CADM2: variants seen among roughly 807,000 people sequenced by gnomAD.
CADM2 encodes immunoglobulin superfamily member 4D.
CADM2 carries 12 observed loss-of-function variants against 49.8 expected under a neutral mutation model. That is an observed-to-expected ratio of 0.24 (90% CI 0.15 to 0.39). The LOEUF (loss-of-function observed/expected upper bound fraction) is 0.39, where lower values mean the gene tolerates loss of function less well. Ranked by LOEUF, CADM2 falls within the 10% of genes least tolerant of loss-of-function variation. The probability of loss-of-function intolerance (pLI) is 1.00; values close to 1 mark genes in which losing one functional copy is unlikely to be tolerated. For missense variants in CADM2, 378 were observed against 492.3 expected, an observed-to-expected ratio of 0.77 and a Z score of 2.20; for synonymous variants, 214 against 175.4, an observed-to-expected ratio of 1.22 and a Z score of -1.74.
intron 6 of CADM2, among the ~76,000 whole-genome samples, chr3:85,930,995 A>C (rs906191992): frequency 2.6e-5 from 4 of 151,412 alleles, no homozygotes; most frequent in Non-Finnish European, 4.4e-5. Context: ...TGTACCTTCT[A>C]AACATCAGGC....
Position 84,959,479 on chromosome 3 carries a change from C to A in CADM2, c.-129C>A. ...TCCGAGTCCGCGGGTTCGAACACCG[C>A]AGCGGTGGGGACGGTGGGTCCGGCG... On this transcript the variant is annotated 5_prime_UTR_variant, in exon 1 of 10. Coordinates refer to ENST00000383699, the MANE Select transcript of CADM2 (RefSeq NM_001167675.2). 1 of 875,908 alleles carries A rather than the reference C, an allele frequency of 1.1e-6. No individual in the cohort carries two copies. Among genetic ancestry groups the A allele is most frequent in the Non-Finnish European group, 1.8e-6 (1 of 569,314 alleles). The allele number at this position is 875,908 out of a possible 1,614,324, so 54.3% of individuals were successfully genotyped here.
intron 1 of CADM2, among the ~76,000 whole-genome samples, chr3:85,594,961 A>G (rs947709318): frequency 2.6e-5 from 4 of 152,036 alleles, no homozygotes; most frequent in African/African-American, 9.7e-5. Flanking sequence ...GTGGCTTGGA[A>G]ACCTAGACAG....
intron 1 of CADM2, among the ~76,000 whole-genome samples, chr3:85,435,352 CT>C (rs1576548399): frequency 6.6e-6 from 1 of 152,026 alleles, no homozygotes; most frequent in South Asian, 2.1e-4. Flanking sequence ...TGGACTCATC[CT>C]TTTTTATGGC....
At position 85,761,522 on chromosome 3, in the gene CADM2, G is replaced by T. The variant is rs530564900; in HGVS notation, c.88+34974G>T. On this transcript the variant is annotated intron_variant, in intron 2 of 9. Transcript: ENST00000383699. Reference sequence around the variant, plus strand: ...CTCCCGAGTAGCTGGGACTACAGGCGTGTGCCACCATGCCCAGCTAATTTT... The same window carrying T: ...CTCCCGAGTAGCTGGGACTACAGGCTTGTGCCACCATGCCCAGCTAATTTT... Among the ~76,000 whole-genome samples the T allele has an allele frequency of 1.8e-4, 27 of 151,738 alleles. No individual in the cohort carries two copies. In the South Asian group the frequency reaches 5.6e-3, roughly 32 times the overall value.
intron 3 of CADM2, among the ~76,000 whole-genome samples, chr3:85,860,283 C>G (rs1022266856): frequency 2.6e-5 from 4 of 151,990 alleles, no homozygotes; most frequent in Admixed American, 2.6e-4. Flanking sequence ...GAAACAAAAA[C>G]AACAAAAATC....
At chr3:85,099,600 G>A (rs899825173) in intron 1 of CADM2, among the ~76,000 whole-genome samples, 4 of 151,904 alleles carry the variant, frequency 2.6e-5, no homozygotes, top group Non-Finnish European at 4.4e-5. Flanking sequence ...CTCCCGAGTA[G>A]GTGGGATTAT....
chr3:84,981,047 T>C (rs774191865), intron 1 of CADM2, among the ~76,000 whole-genome samples: 3 of 151,882 alleles, frequency 2.0e-5, no homozygotes, highest in Non-Finnish European at 4.4e-5. Context: ...TACATATGTA[T>C]ACATGTGCCA....
intron 1 of CADM2, among the ~76,000 whole-genome samples, chr3:85,148,506 A>C (rs905883114): frequency 1.3e-5 from 2 of 152,316 alleles, no homozygotes; most frequent in Admixed American, 1.3e-4. Flanking sequence ...TTAGTTTTTT[A>C]CATCATATAT....
chr3:85,614,659 C>A (rs2063754919), intron 1 of CADM2, among the ~76,000 whole-genome samples: 1 of 151,816 alleles, frequency 6.6e-6, no homozygotes, highest in Non-Finnish European at 1.5e-5. Flanking sequence ...TTGTGTGATG[C>A]ACTAATGACT....
At chr3:85,456,647 A>G (rs2038003867) in intron 1 of CADM2, among the ~76,000 whole-genome samples, 1 of 152,116 alleles carries the variant, frequency 6.6e-6, no homozygotes, top group Admixed American at 6.5e-5. Context: ...TTACTCAAAT[A>G]TAAATAAATT....
chr3:85,623,018 A>C (rs940498028), intron 1 of CADM2, among the ~76,000 whole-genome samples: 5 of 152,098 alleles, frequency 3.3e-5, no homozygotes, highest in African/African-American at 1.2e-4. Flanking sequence ...AAATTATGTA[A>C]GCACATTTAA....
intron 1 of CADM2, among the ~76,000 whole-genome samples, chr3:85,476,842 T>G (rs1202151717): frequency 2.0e-5 from 3 of 151,764 alleles, no homozygotes; most frequent in Non-Finnish European, 4.4e-5. Flanking sequence ...CTTCTATCTT[T>G]AAACATACCA....
At chr3:85,112,500 C>G (rs1242833783) in intron 1 of CADM2, among the ~76,000 whole-genome samples, 3 of 151,638 alleles carry the variant, frequency 2.0e-5, no homozygotes, top group Admixed American at 1.3e-4. Flanking sequence ...GCTGAATTAC[C>G]AAAAAGTAGG....
chr3:85,707,480 C>T (rs2066987985), intron 1 of CADM2, among the ~76,000 whole-genome samples: 1 of 147,018 alleles, frequency 6.8e-6, no homozygotes. Context: ...ATTACTATCT[C>T]ATTATATGTC....
intron 1 of CADM2, among the ~76,000 whole-genome samples, chr3:85,316,698 T>TAAATATGGAAGTGA (rs893898917): frequency 6.6e-6 from 1 of 152,172 alleles, no homozygotes; most frequent in African/African-American, 2.4e-5. Flanking sequence ...TACATGTACT[T>TAAATATGGAAGTGA]AAATATGGAA....
intron 8 of CADM2, among the ~76,000 whole-genome samples, chr3:86,043,905 T>C (rs1301941910): frequency 6.6e-6 from 1 of 152,000 alleles, no homozygotes; most frequent in Non-Finnish European, 1.5e-5. Flanking sequence ...GAAATAGTGC[T>C]GCATATCTAC....
At chr3:85,374,983 AAAAAAAG>A (rs1324888409) in intron 1 of CADM2, among the ~76,000 whole-genome samples, 6 of 152,122 alleles carry the variant, frequency 3.9e-5, no homozygotes, top group African/African-American at 1.4e-4. Flanking sequence ...GTTGCTCAGG[AAAAAAAG>A]AAAAAAGAAA....
chr3:85,858,037 G>A (rs994971167), intron 3 of CADM2, among the ~76,000 whole-genome samples: 2 of 152,146 alleles, frequency 1.3e-5, no homozygotes, highest in Non-Finnish European at 2.9e-5. Context: ...ACTTAGTTTT[G>A]TGTTAGCAGT....
intron 6 of CADM2, among the ~76,000 whole-genome samples, chr3:85,921,961 C>A (rs9968078): frequency 0.044 from 6,760 of 152,126 alleles, 510 homozygotes; most frequent in African/African-American, 0.15. Flanking sequence ...GCATCTTTCA[C>A]TTAGCAATAT....
Sources: allele counts gnomAD v4.1 joint callset (sites outside exome capture counted in the v4.1 genomes callset), GRCh38; gene constraint gnomAD v4.1.1; transcripts MANE v1.5; gene names NCBI Gene and HGNC (gene_info 2026-07-23, HGNC 2026-07-21).